LINGO1: variants seen among roughly 807,000 people sequenced by gnomAD.
LINGO1 encodes the protein leucine-rich repeat and immunoglobulin-like domain-containing nogo receptor-interacting protein 1.
LINGO1 carries 11 observed loss-of-function variants against 37.3 expected under a neutral mutation model. The ratio of observed to expected loss-of-function variants is 0.29; its 90% CI spans 0.19 to 0.49. The LOEUF (loss-of-function observed/expected upper bound fraction) is 0.49. LINGO1 is among the 20% of genes least tolerant of loss of function. The probability of loss-of-function intolerance (pLI) is 0.99; values close to 1 mark genes in which losing one functional copy is unlikely to be tolerated. For synonymous variants in LINGO1, 387 were observed against 403.0 expected (o/e 0.96, Z 0.48); for missense variants, 585 against 878.2 (o/e 0.67, Z 4.22).
upstream of LINGO1, among the ~76,000 whole-genome samples, chr15:77,633,718 C>G (rs1370645132): frequency 1.3e-5 from 2 of 152,226 alleles, no homozygotes; most frequent in Non-Finnish European, 2.9e-5. Context: ...TCCCTCCTCC[C>G]GGAATGGTCC....
At chr15:77,773,530 C>T (rs950207924) in intron 1 of LINGO1, among the ~76,000 whole-genome samples, 1 of 152,076 alleles carries the variant, frequency 6.6e-6, no homozygotes, top group African/African-American at 2.4e-5. Flanking sequence ...CCTCCACCAC[C>T]CTGGAAGCCC....
chr15:77,813,328 T>C (rs1209996989), intron 1 of LINGO1, among the ~76,000 whole-genome samples: 1 of 151,782 alleles, frequency 6.6e-6, no homozygotes, highest in Admixed American at 6.6e-5. Flanking sequence ...GGAAGGACCA[T>C]GGAGGAGGAC....
At chr15:77,682,547 T>G (rs961445956) in intron 2 of LINGO1, among the ~76,000 whole-genome samples, 5 of 152,128 alleles carry the variant, frequency 3.3e-5, no homozygotes, top group Admixed American at 6.5e-5. Flanking sequence ...GCATCAGTCA[T>G]GTAGCCCCCC....
chr15:77,766,945 G>GAAGA (rs56694042), intron 1 of LINGO1, among the ~76,000 whole-genome samples: 142,990 of 151,976 alleles, frequency 0.94, 67,385 homozygotes, highest in Non-Finnish European at 0.97. Flanking sequence ...AGAAAGAGGA[G>GAAGA]AAGATTTTTT....
At chr15:77,731,918 C>A (rs1262064990) in intron 2 of LINGO1, among the ~76,000 whole-genome samples, 1 of 152,168 alleles carries the variant, frequency 6.6e-6, no homozygotes, top group Admixed American at 6.5e-5. Context: ...CCGCCTCCCC[C>A]ACCACAACCA....
In LINGO1 at chr15:77,632,373, G is replaced by T; in HGVS notation, c.-58C>A. 2.9e-6 allele frequency: 4 copies of T among 1,357,418 alleles called. No individual in the cohort carries two copies. The highest frequency in any genetic ancestry group is 3.8e-6 in the Non-Finnish European group (4 of 1,050,372). 84.1% of individuals were successfully genotyped at this position (1,357,418 alleles called of 1,614,324 possible). A position where few individuals can be genotyped will look rare whatever the true frequency, so the allele number is the denominator to read the frequency against. ...CACCAATCGCATGTCTCTCCAGCCG[G>T]CCCGACCAGGCCCCAGCCCCTGCCC... On this transcript the variant is annotated 5_prime_UTR_variant, in exon 1 of 2. Coordinates refer to ENST00000355300, the MANE Select transcript of LINGO1 (RefSeq NM_032808.7). The surrounding 1 kb of genome is among the most constrained non-coding windows in gnomAD (Gnocchi z 6.0).
intron 3 of LINGO1, among the ~76,000 whole-genome samples, chr15:77,675,647 A>C (rs1379942252): frequency 6.6e-6 from 1 of 152,218 alleles, no homozygotes; most frequent in East Asian, 1.9e-4. Flanking sequence ...AAGACTACAG[A>C]AGGGGCTTGA....
intron 1 of LINGO1, among the ~76,000 whole-genome samples, chr15:77,695,471 T>C (rs1247943399): frequency 1.3e-5 from 2 of 152,172 alleles, no homozygotes; most frequent in Non-Finnish European, 2.9e-5. Flanking sequence ...CCTGGTGCCA[T>C]CTGCCCCTCA....
intron 1 of LINGO1, among the ~76,000 whole-genome samples, chr15:77,628,115 T>C (rs2074147913): frequency 6.6e-6 from 1 of 152,182 alleles, no homozygotes; most frequent in Non-Finnish European, 1.5e-5. Flanking sequence ...GCTGGGGTGA[T>C]GCAAACTGGT....
rs193100227 is a variant in LINGO1, at chr15:77,615,086, T to A, written c.821A>T (p.Asn274Ile). 1 of 1,613,992 alleles carries A rather than the reference T, an allele frequency of 6.2e-7. No homozygotes were observed. Among genetic ancestry groups the A allele is most frequent in the East Asian group, 2.2e-5 (1 of 44,870 alleles). ...GGCCAGGTAGGGCACAGCGGTCAGA[T>A]TGCAGTGTGTGATGGACAGGGACGT... ...NLTSLSITHC[N>I]LTAVPYLAVR... The change falls in exon 2 of 2, where the codon AAT becomes ATT. Residue 274 changes from asparagine to isoleucine, a missense_variant. Asn to Ile is a moderately radical substitution (Grantham distance 149). Coordinates refer to ENST00000355300, the MANE Select transcript of LINGO1 (RefSeq NM_032808.7).
chr15:77,792,034 C>G (rs779177554), intron 2 of LINGO1, among the ~76,000 whole-genome samples: 4 of 152,274 alleles, frequency 2.6e-5, no homozygotes, highest in Non-Finnish European at 4.4e-5. Context: ...CAGATGCTGA[C>G]TCCCCACACA....
At chr15:77,705,436 C>CCCAGGGCTCCCGTCCTGGT (rs1285242195) in intron 2 of LINGO1, among the ~76,000 whole-genome samples, 3 of 152,116 alleles carry the variant, frequency 2.0e-5, no homozygotes, top group Non-Finnish European at 4.4e-5. Flanking sequence ...GCGTGGTGGC[C>CCCAGGGCTCCCGTCCTGGT]CCAGGGCTCC....
intron 3 of LINGO1, among the ~76,000 whole-genome samples, chr15:77,652,857 C>T (rs1596052594): frequency 6.6e-6 from 1 of 152,344 alleles, no homozygotes; most frequent in East Asian, 1.9e-4. Context: ...GGGAGTGTGC[C>T]TCTGTCGCCC....
chr15:77,663,564 C>T (rs1422589476), intron 3 of LINGO1, among the ~76,000 whole-genome samples: 2 of 152,232 alleles, frequency 1.3e-5, no homozygotes, highest in East Asian at 3.8e-4. Flanking sequence ...AGGTATTTAT[C>T]TGCCCTTCTC....
At chr15:77,786,640 T>A (rs539837490) in intron 1 of LINGO1, among the ~76,000 whole-genome samples, 1 of 152,306 alleles carries the variant, frequency 6.6e-6, no homozygotes, top group East Asian at 1.9e-4. Flanking sequence ...CCGCCCTCCA[T>A]GCCGCCTGGA....
At chr15:77,780,504 A>T (rs909251678) in intron 1 of LINGO1, among the ~76,000 whole-genome samples, 1 of 151,814 alleles carries the variant, frequency 6.6e-6, no homozygotes, top group Admixed American at 6.6e-5. Context: ...CTGTGCTGGG[A>T]GGAGACCTTG....
intron 1 of LINGO1, among the ~76,000 whole-genome samples, chr15:77,818,223 C>T (rs2077064062): frequency 6.6e-6 from 1 of 152,190 alleles, no homozygotes; most frequent in Admixed American, 6.5e-5. Flanking sequence ...CTGCAGGAGT[C>T]CTGACCCCAG....
intron 2 of LINGO1, among the ~76,000 whole-genome samples, chr15:77,728,852 A>G (rs1245823225): frequency 1.3e-5 from 2 of 152,244 alleles, no homozygotes; most frequent in African/African-American, 4.8e-5. Context: ...AGGATTAAAT[A>G]AATAACTATT....
chr15:77,797,555 G>T (rs1473175927), intron 1 of LINGO1, among the ~76,000 whole-genome samples: 2 of 152,218 alleles, frequency 1.3e-5, no homozygotes, highest in Non-Finnish European at 2.9e-5. Context: ...CCCAGGGGTG[G>T]CTTCAACCGT....
Sources: allele counts gnomAD v4.1 joint callset (sites outside exome capture counted in the v4.1 genomes callset), GRCh38; gene constraint gnomAD v4.1.1; non-coding constraint Gnocchi (gnomAD v3.1); transcripts MANE v1.5; gene names NCBI Gene and HGNC (gene_info 2026-07-23, HGNC 2026-07-21).